The following AKAP19 variants were observed in gnomAD, a reference collection of about 807,000 sequenced individuals.
AKAP19 encodes the protein A-kinase anchoring protein 19.
the AKAP19 span, among the ~76,000 whole-genome samples, chr2:190,046,812 A>G: frequency 6.6e-6 from 1 of 152,214 alleles, no homozygotes; most frequent in African/African-American, 2.4e-5. Context: ...TTTTATTAAT[A>G]ACTTTTTGTG....
chr2:190,167,633 C>T, the AKAP19 span, among the ~76,000 whole-genome samples: 2 of 152,238 alleles, frequency 1.3e-5, no homozygotes, highest in African/African-American at 4.8e-5. Context: ...GTAAATACAG[C>T]TGTTCCAAAT....
chr2:190,184,073 G>T, the AKAP19 span, among the ~76,000 whole-genome samples: 1 of 152,074 alleles, frequency 6.6e-6, no homozygotes, highest in Admixed American at 6.5e-5. Context: ...AATGTTAAAA[G>T]TTTTGGCAGT....
chr2:190,196,617 A>G, the AKAP19 span, among the ~76,000 whole-genome samples: 7 of 150,908 alleles, frequency 4.6e-5, no homozygotes, highest in African/African-American at 1.7e-4. Flanking sequence ...TGTGAATAAT[A>G]CCTTGTAAGG....
At chr2:190,000,761 C>T in the AKAP19 span, among the ~76,000 whole-genome samples, 1 of 152,072 alleles carries the variant, frequency 6.6e-6, no homozygotes, top group Admixed American at 6.5e-5. Flanking sequence ...TGTATTGCTC[C>T]TTTGCATATG....
the AKAP19 span, among the ~76,000 whole-genome samples, chr2:190,040,808 C>T: frequency 6.6e-6 from 1 of 152,004 alleles, no homozygotes; most frequent in African/African-American, 2.4e-5. Flanking sequence ...TTTTTGTCAG[C>T]TTTGTTGAAG....
chr2:190,055,770 A>G, the AKAP19 span: 3 of 152,212 alleles, frequency 2.0e-5, no homozygotes, highest in Non-Finnish European at 2.9e-5. Flanking sequence ...TGTAAGAAAT[A>G]ATTTCATTTA....
chr2:190,140,956 G>A, the AKAP19 span, among the ~76,000 whole-genome samples: 431 of 152,212 alleles, frequency 2.8e-3, 4 homozygotes, highest in African/African-American at 8.6e-3. Context: ...GGTACCCTAC[G>A]TCATCTCTCC....
chr2:189,979,498 C>G, the AKAP19 span, among the ~76,000 whole-genome samples: 1 of 152,076 alleles, frequency 6.6e-6, no homozygotes, highest in Admixed American at 6.6e-5. Flanking sequence ...GTAGGAAAAA[C>G]TCTTCTGGAC....
the AKAP19 span, among the ~76,000 whole-genome samples, chr2:190,118,781 G>T: frequency 6.6e-6 from 1 of 152,136 alleles, no homozygotes; most frequent in African/African-American, 2.4e-5. Flanking sequence ...GGCAAAAACT[G>T]GAAGCATTCC....
the AKAP19 span, among the ~76,000 whole-genome samples, chr2:189,955,125 G>T: frequency 1.3e-5 from 2 of 151,960 alleles, no homozygotes; most frequent in Non-Finnish European, 2.9e-5. Context: ...GGAGTCTCCA[G>T]TGTTCATTAT....
the AKAP19 span, chr2:189,923,357 A>G: frequency 1.9e-6 from 3 of 1,612,662 alleles, no homozygotes; most frequent in Non-Finnish European, 1.7e-6. Context: ...CGTTACCAAC[A>G]AGACAGATCC....
chr2:190,001,167 A>T, the AKAP19 span, among the ~76,000 whole-genome samples: 9 of 152,100 alleles, frequency 5.9e-5, no homozygotes, highest in Non-Finnish European at 5.9e-5. Flanking sequence ...TTTGTTTTTT[A>T]AAAAAATAAT....
the AKAP19 span, among the ~76,000 whole-genome samples, chr2:189,985,059 C>G: frequency 1.3e-5 from 2 of 152,162 alleles, no homozygotes; most frequent in African/African-American, 4.8e-5. Flanking sequence ...AGGACCTCCC[C>G]AACAGTTTGG....
the AKAP19 span, among the ~76,000 whole-genome samples, chr2:190,054,459 G>A: frequency 6.6e-6 from 1 of 152,070 alleles, no homozygotes; most frequent in African/African-American, 2.4e-5. Context: ...AACACCAAAA[G>A]CAATGGCAAC....
chr2:189,989,155 C>T, the AKAP19 span, among the ~76,000 whole-genome samples: 2 of 152,086 alleles, frequency 1.3e-5, no homozygotes, highest in African/African-American at 4.8e-5. Context: ...ATTTAGAGGG[C>T]TAAGATAGTG....
At chr2:189,881,687 A>G in the AKAP19 span, among the ~76,000 whole-genome samples, 1 of 152,206 alleles carries the variant, frequency 6.6e-6, no homozygotes, top group Non-Finnish European at 1.5e-5. Flanking sequence ...AAAATTAGGA[A>G]AAATGGGGAA....
At chr2:189,909,496 T>C in the AKAP19 span, among the ~76,000 whole-genome samples, 1 of 152,054 alleles carries the variant, frequency 6.6e-6, no homozygotes, top group African/African-American at 2.4e-5. Flanking sequence ...TTTGATTTGT[T>C]TTTTCTTTAT....
chr2:189,923,703 T>G, the AKAP19 span: 4 of 1,613,860 alleles, frequency 2.5e-6, no homozygotes, highest in Non-Finnish European at 2.5e-6. Context: ...TATGATAGGA[T>G]GTACAGTTAC....
chr2:189,939,616 T>C, the AKAP19 span, among the ~76,000 whole-genome samples: 1 of 152,200 alleles, frequency 6.6e-6, no homozygotes, highest in African/African-American at 2.4e-5. Context: ...GTGTGAACTC[T>C]ATGACTAATC....
Sources: allele counts gnomAD v4.1 joint callset (sites outside exome capture counted in the v4.1 genomes callset), GRCh38; gene constraint gnomAD v4.1.1; transcripts MANE v1.5; gene names NCBI Gene and HGNC (gene_info 2026-07-23, HGNC 2026-07-21).